Variants in CEP112 observed in about 807,000 individuals in gnomAD.
The protein encoded by CEP112 is centrosomal protein of 112 kDa.
Under a neutral mutation model 153.0 loss-of-function variants are expected in CEP112, and 127 were observed. The observed-to-expected ratio is 0.83, with a 90% confidence interval of 0.72 to 0.96. The LOEUF (loss-of-function observed/expected upper bound fraction) is 0.96, where lower values mean the gene tolerates loss of function less well. Among genes scored for constraint, CEP112 ranks in the 40% least tolerant of loss-of-function variants. CEP112 has a pLI of 0.00. For synonymous variants in CEP112, 358 were observed against 374.4 expected (o/e 0.96, Z 0.51); for missense variants, 1,089 against 1,101.2 (o/e 0.99, Z 0.16).
At chr17:65,973,215 C>T (rs2062913353) in intron 17 of CEP112, among the ~76,000 whole-genome samples, 1 of 152,180 alleles carries the variant, frequency 6.6e-6, no homozygotes, top group Non-Finnish European at 1.5e-5. Flanking sequence ...AGATATGACA[C>T]CAACAGCACA....
rs1167681688 is a variant in CEP112 at position 65,851,987 on chromosome 17, C to G, written c.2211G>C (p.Leu737Phe). 2 of 1,613,128 alleles carry G rather than the reference C, an allele frequency of 1.2e-6. No homozygotes were observed. Among genetic ancestry groups the G allele is most frequent in the South Asian group, 2.2e-5 (2 of 90,690 alleles). The change falls in exon 21 of 27, where the codon TTG (leucine) becomes TTC (phenylalanine). Residue 737 changes from leucine (L) to phenylalanine (F), a missense_variant. By Grantham distance (22) the Leu-to-Phe change is conservative. Coordinates refer to ENST00000535342, the MANE Select transcript of CEP112 (RefSeq NM_001199165.4). Reference sequence around the variant, plus strand: ...GTTTCCGCTGTGAGTTCACATTGATCAATTCTTCTCTCAACTTGTGAACCT... The same window carrying G: ...GTTTCCGCTGTGAGTTCACATTGATGAATTCTTCTCTCAACTTGTGAACCT... ...EAQVHKLREE[L>F]INVNSQRKQQ...
intron 17 of CEP112, among the ~76,000 whole-genome samples, chr17:65,984,682 A>C (rs912009339): frequency 6.6e-6 from 1 of 152,202 alleles, no homozygotes; most frequent in Non-Finnish European, 1.5e-5. Flanking sequence ...ATTGGAACAT[A>C]CATAAAAATA....
chr17:65,812,606 C>A (rs1403842494), intron 21 of CEP112, among the ~76,000 whole-genome samples: 1 of 152,078 alleles, frequency 6.6e-6, no homozygotes, highest in East Asian at 1.9e-4. Flanking sequence ...ATTTTTGGAT[C>A]CTGTTATATA....
intron 21 of CEP112, among the ~76,000 whole-genome samples, chr17:65,797,649 CAGT>C (rs2055017045): frequency 6.6e-6 from 1 of 152,118 alleles, no homozygotes; most frequent in Non-Finnish European, 1.5e-5. Context: ...TAAAAATGTC[CAGT>C]AGCTTCATAC....
At chr17:66,039,049 G>C (rs917678145) in intron 12 of CEP112, among the ~76,000 whole-genome samples, 8 of 152,068 alleles carry the variant, frequency 5.3e-5, no homozygotes, top group South Asian at 4.1e-4. Flanking sequence ...TACTAAATAA[G>C]GGAGATGAAA....
chr17:65,973,492 C>T (rs971842880), intron 17 of CEP112, among the ~76,000 whole-genome samples: 4 of 152,134 alleles, frequency 2.6e-5, no homozygotes, highest in African/African-American at 9.7e-5. Context: ...CCAATAAGGA[C>T]ATGAAAACCT....
chr17:66,003,485 AG>A lies in CEP112; in HGVS notation c.1736+2204del, dbSNP rs558732913. On this transcript the variant is annotated intron_variant, in intron 17 of 26. Coordinates refer to ENST00000535342, the MANE Select transcript of CEP112 (RefSeq NM_001199165.4). ...AACAAGTTAATACCTAGTTATTCTA[AG>A]TACTTCAAATGCCTAACCTGGACTG... 9.8e-5 allele frequency among the ~76,000 whole-genome samples: 15 copies of A among 152,352 alleles called. No individual in the cohort carries two copies. In the South Asian group the frequency reaches 3.1e-3, roughly 32 times the overall value.
chr17:66,057,067 T>C (rs1038024529), intron 11 of CEP112, among the ~76,000 whole-genome samples: 2 of 152,130 alleles, frequency 1.3e-5, no homozygotes, highest in African/African-American at 4.8e-5. Context: ...TGGGAGCCAC[T>C]AGGACAATGG....
intron 8 of CEP112, among the ~76,000 whole-genome samples, chr17:66,093,380 G>A (rs59297684): frequency 0.16 from 24,512 of 151,644 alleles, 2,719 homozygotes; most frequent in African/African-American, 0.31. Flanking sequence ...GGAAAGGAAC[G>A]AGTGAAATGG....
At chr17:66,104,985 A>C (rs898072130) in intron 6 of CEP112, among the ~76,000 whole-genome samples, 1 of 152,216 alleles carries the variant, frequency 6.6e-6, no homozygotes, top group Non-Finnish European at 1.5e-5. Context: ...TAGTAAAGTA[A>C]GTATATTACT....
intron 25 of CEP112, among the ~76,000 whole-genome samples, 170 bp downstream of exon 25, chr17:65,640,794 T>C (rs2045088782): frequency 6.6e-6 from 1 of 152,210 alleles, no homozygotes; most frequent in South Asian, 2.1e-4. Flanking sequence ...AGTGAGTTAT[T>C]AAACAAGTAA....
At chr17:66,084,789 G>A (rs1204514685) in intron 8 of CEP112, among the ~76,000 whole-genome samples, 2 of 152,004 alleles carry the variant, frequency 1.3e-5, no homozygotes, top group Non-Finnish European at 2.9e-5. Context: ...AAATTTAATT[G>A]TACATTTTAA....
chr17:66,054,977 C>T (rs1440727044), intron 11 of CEP112, among the ~76,000 whole-genome samples: 6 of 152,096 alleles, frequency 3.9e-5, no homozygotes, highest in Admixed American at 2.0e-4. Context: ...AGCTTGGTCT[C>T]GAACTCCTAC....
intron 21 of CEP112, among the ~76,000 whole-genome samples, chr17:65,846,351 G>T (rs2057724471): frequency 6.6e-6 from 1 of 152,064 alleles, no homozygotes; most frequent in East Asian, 1.9e-4. Context: ...TCTCAATAAA[G>T]ATTAATGCTA....
chr17:65,863,010 A>C (rs1246794220), intron 20 of CEP112, among the ~76,000 whole-genome samples: 1 of 152,134 alleles, frequency 6.6e-6, no homozygotes, highest in African/African-American at 2.4e-5. Flanking sequence ...AGAATAACAT[A>C]TTAGTAGTTC....
At chr17:66,134,887 C>T (rs911524364) in intron 4 of CEP112, among the ~76,000 whole-genome samples, 1 of 152,206 alleles carries the variant, frequency 6.6e-6, no homozygotes, top group Non-Finnish European at 1.5e-5. Context: ...AGATCTCCTT[C>T]ACAATAACCT....
chr17:66,134,710 T>C (rs1212380718), intron 4 of CEP112, among the ~76,000 whole-genome samples: 2 of 152,024 alleles, frequency 1.3e-5, no homozygotes, highest in Admixed American at 1.3e-4. Flanking sequence ...TCCCAGCTAC[T>C]TGGGAGGCTG....
chr17:66,067,890 G>T (rs2067180973), intron 9 of CEP112, among the ~76,000 whole-genome samples: 1 of 152,036 alleles, frequency 6.6e-6, no homozygotes, highest in African/African-American at 2.4e-5. Context: ...CTTCAGCTGG[G>T]CATGTCCCTG....
intron 19 of CEP112, among the ~76,000 whole-genome samples, chr17:65,912,959 C>A (rs1157701533): frequency 1.3e-5 from 2 of 152,132 alleles, no homozygotes; most frequent in South Asian, 2.1e-4. Flanking sequence ...GTTGTGTTTG[C>A]CATTACTTTC....
Sources: allele counts gnomAD v4.1 joint callset (sites outside exome capture counted in the v4.1 genomes callset), GRCh38; gene constraint gnomAD v4.1.1; transcripts MANE v1.5; gene names NCBI Gene and HGNC (gene_info 2026-07-23, HGNC 2026-07-21).